Variants in ROCK1 observed in about 807,000 individuals in gnomAD.
ROCK1 encodes rho-associated protein kinase 1.
In ROCK1, 36 loss-of-function variants were observed where a neutral mutation model predicts 196.8. The observed-to-expected ratio is 0.18, with a 90% CI of 0.14 to 0.24. ROCK1 has a LOEUF of 0.24. Ranked by LOEUF, ROCK1 falls within the 10% of genes least tolerant of loss-of-function variation. The pLI is 1.00. For missense variants in ROCK1, 920 were observed against 1,562.0 expected, an observed-to-expected ratio of 0.59 and a Z score of 6.93; for synonymous variants, 443 against 515.9, an observed-to-expected ratio of 0.86 and a Z score of 1.91.
At chr18:20,961,220 AAAGT>A (rs1156244339) in intron 27 of ROCK1, among the ~76,000 whole-genome samples, 13 of 152,196 alleles carry the variant, frequency 8.5e-5, no homozygotes, top group Admixed American at 4.6e-4. Context: ...AACCAATTTC[AAAGT>A]ATGACACTAA....
At chr18:21,078,365 CACACACACAG>C (rs2036452968) in intron 1 of ROCK1, among the ~76,000 whole-genome samples, 1 of 148,368 alleles carries the variant, frequency 6.7e-6, no homozygotes, top group African/African-American at 2.5e-5. Flanking sequence ...CACACACACA[CACACACACAG>C]AGAGAGAGAG....
intron 10 of ROCK1, among the ~76,000 whole-genome samples, chr18:21,026,518 T>C (rs2035958235): frequency 6.6e-6 from 1 of 151,848 alleles, no homozygotes; most frequent in Non-Finnish European, 1.5e-5. Context: ...ATATGTATGT[T>C]AATTGAATAC....
chr18:20,952,131 G>A (rs1169002317), intron 32 of ROCK1, among the ~76,000 whole-genome samples: 5 of 151,980 alleles, frequency 3.3e-5, no homozygotes, highest in African/African-American at 9.7e-5. Flanking sequence ...GCCTGTAATC[G>A]CAGCACTTTG....
chr18:21,052,496 A>C (rs1479580383), intron 2 of ROCK1, among the ~76,000 whole-genome samples: 3 of 152,200 alleles, frequency 2.0e-5, no homozygotes, highest in Admixed American at 1.3e-4. Flanking sequence ...CCATTGAGAC[A>C]GAAAACAATG....
chr18:20,985,028 G>C (rs1395563077), intron 19 of ROCK1, among the ~76,000 whole-genome samples: 1 of 151,664 alleles, frequency 6.6e-6, no homozygotes, highest in South Asian at 2.1e-4. Context: ...TTGAGCCTAC[G>C]AGTCAGAGGT....
Position 21,028,789 on chromosome 18 carries a change from A to G in ROCK1, c.1198T>C (p.Tyr400His), listed in dbSNP as rs1450239070. 1 of 1,608,524 alleles carries G rather than the reference A, an allele frequency of 6.2e-7. No individual in the cohort carries two copies. The highest frequency in any genetic ancestry group is 8.5e-7 in the Non-Finnish European group (1 of 1,178,646). The change falls in exon 10 of 33, where the codon TAT (tyrosine) becomes CAT (histidine). Residue 400 changes from tyrosine to histidine, a missense_variant. By Grantham distance (83) the Tyr-to-His change is moderately conservative (BLOSUM62 2). Around this residue, in one of 6 missense-constraint regions of ROCK1, gnomAD observed 1 missense variants for 19.8 expected, o/e 0.05. Coordinates refer to ENST00000399799, the MANE Select transcript of ROCK1 (RefSeq NM_005406.3). ...NQLPFVGFTY[Y>H]SNRRYLSSAN... Reference sequence around the variant, plus strand: ...TAGCATACTTACCTACGATTGCTATAATATGTAAATCCTACAAAAGGTAGT... The same window carrying G: ...TAGCATACTTACCTACGATTGCTATGATATGTAAATCCTACAAAAGGTAGT...
At chr18:21,018,526 G>A (rs1241096842) in intron 12 of ROCK1, among the ~76,000 whole-genome samples, 61 of 138,046 alleles carry the variant, frequency 4.4e-4, no homozygotes, top group South Asian at 4.5e-4. Context: ...GTGAGATTTC[G>A]TCTCAAAAAA....
chr18:20,957,542 G>A (rs1307626575), intron 29 of ROCK1, among the ~76,000 whole-genome samples: 5 of 151,830 alleles, frequency 3.3e-5, no homozygotes, highest in Non-Finnish European at 7.4e-5. Flanking sequence ...GTGCAGTGGC[G>A]CAATCTTGGC....
chr18:21,096,449 C>T (rs1191237146), intron 1 of ROCK1, among the ~76,000 whole-genome samples: 1 of 152,168 alleles, frequency 6.6e-6, no homozygotes, highest in East Asian at 1.9e-4. Context: ...GATCTGCCTG[C>T]CTCAGCCTCC....
intron 16 of ROCK1, among the ~76,000 whole-genome samples, chr18:21,005,635 G>C (rs879375810): frequency 1.3e-5 from 2 of 152,194 alleles, no homozygotes; most frequent in Non-Finnish European, 2.9e-5. Flanking sequence ...CCAGCACTTT[G>C]GGAGGTCGAG....
At chr18:21,038,367 T>C (rs1444101208) in intron 9 of ROCK1, among the ~76,000 whole-genome samples, 1 of 152,138 alleles carries the variant, frequency 6.6e-6, no homozygotes, top group East Asian at 1.9e-4. Context: ...ATGATGTTCT[T>C]TGTTGTATAA....
intron 11 of ROCK1, among the ~76,000 whole-genome samples, chr18:21,020,814 G>A (rs2035907439): frequency 6.6e-6 from 1 of 152,186 alleles, no homozygotes; most frequent in Non-Finnish European, 1.5e-5. Context: ...TACTATAGCA[G>A]AGCACAGAAT....
At chr18:20,970,620 T>G (rs2035417011) in intron 22 of ROCK1, 107 bp from the exon 23 acceptor site, 2 of 725,720 alleles carry the variant, frequency 2.8e-6, no homozygotes, top group African/African-American at 3.5e-5. Flanking sequence ...AAAAGAATTA[T>G]TTTATTGCTT....
chr18:21,055,765 C>T (rs1002983841), intron 2 of ROCK1, among the ~76,000 whole-genome samples: 3 of 152,224 alleles, frequency 2.0e-5, no homozygotes, highest in African/African-American at 7.2e-5. Flanking sequence ...TCCCATTACT[C>T]AACTCCCCAC....
At chr18:21,037,988 A>G (rs1394820679) in intron 9 of ROCK1, among the ~76,000 whole-genome samples, 1 of 152,194 alleles carries the variant, frequency 6.6e-6, no homozygotes, top group Non-Finnish European at 1.5e-5. Context: ...TGGTTATTCT[A>G]TAATTATTTA....
intron 1 of ROCK1, among the ~76,000 whole-genome samples, chr18:21,071,893 A>AT (rs1234036928): frequency 6.6e-6 from 1 of 152,226 alleles, no homozygotes; most frequent in Non-Finnish European, 1.5e-5. Flanking sequence ...ATTACAACAC[A>AT]TAACAGATTT....
At chr18:20,971,305 T>TACATACACAC (rs2035423858) in intron 22 of ROCK1, among the ~76,000 whole-genome samples, 2 of 136,750 alleles carry the variant, frequency 1.5e-5, no homozygotes, top group Non-Finnish European at 3.1e-5. Flanking sequence ...ATAGTAAACA[T>TACATACACAC]ACACACACAC....
intron 1 of ROCK1, among the ~76,000 whole-genome samples, chr18:21,090,837 C>T (rs1406380247): frequency 6.6e-6 from 1 of 151,094 alleles, no homozygotes; most frequent in Non-Finnish European, 1.5e-5. Context: ...TCTCACAGAG[C>T]TTACATGTAA....
intron 9 of ROCK1, among the ~76,000 whole-genome samples, chr18:21,029,559 T>C (rs1269393352): frequency 1.3e-5 from 2 of 152,112 alleles, no homozygotes; most frequent in Non-Finnish European, 2.9e-5. Context: ...TTAAGACTAA[T>C]GCAGTGAGGT....
Sources: gnomAD v4.1 joint callset for allele counts (sites outside exome capture counted in the v4.1 genomes callset) on GRCh38, gnomAD v4.1.1 for gene constraint, gnomAD v4.1.1 regional missense constraint, MANE v1.5 for transcripts, NCBI Gene and HGNC (gene_info 2026-07-23, HGNC 2026-07-21) for gene names.